RELN: variants seen among roughly 807,000 people sequenced by gnomAD.
RELN encodes reelin.
Under a neutral mutation model 427.6 loss-of-function variants are expected in RELN, and 108 were observed. That is an observed-to-expected ratio of 0.25 (90% CI 0.22 to 0.30). The LOEUF is 0.30. Among genes scored for constraint, RELN ranks in the 10% least tolerant of loss-of-function variants. The probability of loss-of-function intolerance (pLI) is 1.00; values close to 1 mark genes in which losing one functional copy is unlikely to be tolerated. For missense variants in RELN, 3,715 were observed against 4,302.8 expected (o/e 0.86, Z 3.82); for synonymous variants, 1,524 against 1,513.4 (o/e 1.01, Z -0.16).
intron 46 of RELN, among the ~76,000 whole-genome samples, chr7:103,524,082 C>T (rs1273214159): frequency 1.3e-5 from 2 of 152,148 alleles, no homozygotes; most frequent in Non-Finnish European, 2.9e-5. Flanking sequence ...CTTCCTGAGC[C>T]TTGTAAAAAA....
intron 2 of RELN, among the ~76,000 whole-genome samples, chr7:103,915,126 T>C (rs779315619): frequency 1.3e-5 from 2 of 152,118 alleles, no homozygotes; most frequent in Non-Finnish European, 2.9e-5. Flanking sequence ...TCCTAGAACA[T>C]AGCCAGCCTC....
intron 46 of RELN, among the ~76,000 whole-genome samples, chr7:103,533,468 G>T (rs1006990024): frequency 4.7e-5 from 5 of 106,494 alleles, no homozygotes; most frequent in African/African-American, 2.8e-4. Flanking sequence ...CTGGCATATT[G>T]TTCTAATGAT....
At chr7:103,707,105 T>C (rs1044693487) in intron 8 of RELN, among the ~76,000 whole-genome samples, 8 of 152,064 alleles carry the variant, frequency 5.3e-5, no homozygotes, top group African/African-American at 1.9e-4. Context: ...TTCCAAGTAG[T>C]TGGGACTACA....
chr7:103,978,245 G>A (rs1295116643), intron 1 of RELN, among the ~76,000 whole-genome samples: 1 of 151,922 alleles, frequency 6.6e-6, no homozygotes. Flanking sequence ...CTAGCACCTG[G>A]CAACTACCAT....
chr7:103,546,381 C>T (rs1368380526), intron 41 of RELN, among the ~76,000 whole-genome samples: 2 of 152,144 alleles, frequency 1.3e-5, no homozygotes, highest in African/African-American at 4.8e-5. Context: ...GATATACTAG[C>T]TTTGTTTACC....
In RELN at chr7:103,498,367, T is replaced by C. The variant is rs1236586007; in HGVS notation, c.8668-115A>G. The C allele has an allele frequency of 1.4e-5, 13 of 953,434 alleles. No homozygotes were observed. In the East Asian group the frequency reaches 1.8e-4, roughly 13 times the overall value. 59.1% of individuals were successfully genotyped at this position (953,434 alleles called of 1,614,324 possible). ...TAAAAAAAATAGAGCTGATTTCAAA[T>C]GCTTTTCAAAGATGTTTAAAAAAGG... On this transcript the variant is annotated intron_variant, in intron 53 of 64. Transcript: ENST00000428762.
intron 6 of RELN, among the ~76,000 whole-genome samples, chr7:103,742,554 T>C (rs964325679): frequency 2.6e-5 from 4 of 151,998 alleles, no homozygotes; most frequent in Non-Finnish European, 5.9e-5. Flanking sequence ...GAATAACCAA[T>C]GCAGAGAAGT....
At chr7:103,909,104 C>G (rs1795281737) in intron 2 of RELN, among the ~76,000 whole-genome samples, 1 of 152,164 alleles carries the variant, frequency 6.6e-6, no homozygotes, top group Non-Finnish European at 1.5e-5. Context: ...ATACAATACT[C>G]TATTTAATGA....
Position 103,872,425 on chromosome 7 carries a change from G to GGT in RELN, c.338-38755_338-38754dup, listed in dbSNP as rs1159302609. The stretch of plus-strand genomic sequence containing the variant: ...TTCTTATGGCTGCATAGTATTCCAT[G>GGT]GTGTATATGTGCCACATTTTCTTAA... On this transcript the variant is annotated intron_variant, in intron 2 of 64. Coordinates refer to ENST00000428762, the MANE Select transcript of RELN (RefSeq NM_005045.4). Among the ~76,000 whole-genome samples, 127 of 137,016 alleles carry GGT rather than the reference G, an allele frequency of 9.3e-4. 5 individuals carry two copies. The highest frequency in any genetic ancestry group is 1.5e-3 in the Non-Finnish European group (96 of 62,458). 89.9% of individuals were successfully genotyped at this position (137,016 alleles called of 152,430 possible). A position where few individuals can be genotyped will look rare whatever the true frequency, so the allele number is the denominator to read the frequency against.
chr7:103,838,807 G>GTCAA (rs1793478670), intron 2 of RELN, among the ~76,000 whole-genome samples: 1 of 152,200 alleles, frequency 6.6e-6, no homozygotes. Context: ...TCAAAAATGA[G>GTCAA]TCAATGTCTA....
At chr7:103,845,648 T>C (rs1793656246) in intron 2 of RELN, among the ~76,000 whole-genome samples, 1 of 152,212 alleles carries the variant, frequency 6.6e-6, no homozygotes, top group South Asian at 2.1e-4. Context: ...ATGTAATTTT[T>C]TTAATGATGT....
chr7:103,723,261 G>A (rs190067569), intron 7 of RELN, 70 bp from the exon 8 acceptor site: 2 of 886,922 alleles, frequency 2.3e-6, no homozygotes, highest in Non-Finnish European at 1.9e-6. Flanking sequence ...TGCTGGGAGG[G>A]GTACGGGGAG....
intron 52 of RELN, among the ~76,000 whole-genome samples, chr7:103,501,552 T>A (rs1462343271): frequency 5.3e-5 from 8 of 152,230 alleles, no homozygotes; most frequent in Non-Finnish European, 1.2e-4. Flanking sequence ...AAATATGCCA[T>A]ACTATTTTGG....
Position 103,884,981 on chromosome 7 carries a change from CAT to C in RELN, c.337+32092_337+32093del, listed in dbSNP as rs576183550. Among the ~76,000 whole-genome samples the C allele has an allele frequency of 2.2e-3, 337 of 152,282 alleles. 2 individuals are homozygous for C. Among genetic ancestry groups the C allele is most frequent in the African/African-American group, 7.6e-3 (314 of 41,538 alleles). On this transcript the variant is annotated intron_variant, in intron 2 of 64. Transcript: ENST00000428762. ...ATTCTACTATAAAGACACATGCACACATATGTTTCTTGCAGCATTGTTCACAA... is the reference window on the plus strand; with the variant it reads ...ATTCTACTATAAAGACACATGCACACATGTTTCTTGCAGCATTGTTCACAA...
intron 1 of RELN, among the ~76,000 whole-genome samples, chr7:103,962,646 T>TTGTG (rs57782980): frequency 3.1e-4 from 47 of 149,922 alleles, no homozygotes; most frequent in African/African-American, 6.6e-4. Context: ...TCCAAAGTTG[T>TTGTG]TGTGTGTGTG....
At chr7:103,556,908 C>T (rs1173094321) in intron 38 of RELN, 69 bp downstream of exon 38, 6 of 1,300,784 alleles carry the variant, frequency 4.6e-6, no homozygotes, top group Non-Finnish European at 6.7e-6. Context: ...ACTTCCTCCA[C>T]ACCTTAGAAA....
chr7:103,776,533 A>G, intron 4 of RELN, 24 bp downstream of exon 4: 1 of 1,613,538 alleles, frequency 6.2e-7, no homozygotes, highest in Non-Finnish European at 8.5e-7. Context: ...GACATAACAC[A>G]AACAAATCAA....
At chr7:103,794,025 C>A (rs1792235763) in intron 3 of RELN, among the ~76,000 whole-genome samples, 1 of 152,114 alleles carries the variant, frequency 6.6e-6, no homozygotes, top group Non-Finnish European at 1.5e-5. Flanking sequence ...CCTCAGCCTC[C>A]CAAAGTGCTG....
At chr7:103,885,443 T>C (rs1222489827) in intron 2 of RELN, among the ~76,000 whole-genome samples, 2 of 152,052 alleles carry the variant, frequency 1.3e-5, no homozygotes, top group South Asian at 2.1e-4. Context: ...TGCAGGGACA[T>C]GGATGAAGCT....
Sources: allele counts gnomAD v4.1 joint callset (sites outside exome capture counted in the v4.1 genomes callset), GRCh38; gene constraint gnomAD v4.1.1; transcripts MANE v1.5; gene names NCBI Gene and HGNC (gene_info 2026-07-23, HGNC 2026-07-21).